Variants in FSTL3 observed in about 807,000 individuals in gnomAD.
The protein encoded by FSTL3 is follistatin-related protein 3.
Under a neutral mutation model 28.1 loss-of-function variants are expected in FSTL3, and 21 were observed. That is an observed-to-expected ratio of 0.75 (90% confidence interval 0.53 to 1.08). FSTL3 has a LOEUF of 1.08. Ranked by LOEUF, FSTL3 falls within the 50% of genes least tolerant of loss-of-function variation. The pLI is 0.00. For missense variants in FSTL3, 400 were observed against 380.9 expected (o/e 1.05, Z -0.42); for synonymous variants, 199 against 164.2 (o/e 1.21, Z -1.62).
At chr19:679,292 G>A (rs2031275654) in intron 2 of FSTL3, among the ~76,000 whole-genome samples, 1 of 152,166 alleles carries the variant, frequency 6.6e-6, no homozygotes, top group Non-Finnish European at 1.5e-5. Context: ...GCTGTGCCGG[G>A]GCCGCCCAGG....
intron 1 of FSTL3, 53 bp downstream of exon 1, chr19:676,579 C>A (rs2031213489): frequency 1.2e-5 from 7 of 583,690 alleles, no homozygotes; most frequent in African/African-American, 4.0e-5. Flanking sequence ...CGTGGGGCTG[C>A]GCGGAATGCG....
rs935192510 is a variant in FSTL3 at position 681,969 on chromosome 19, C to G, written c.*261C>G. On this transcript the variant is annotated 3_prime_UTR_variant, in exon 5 of 5. Transcript: ENST00000166139. ...GGCCCTTCTCTAGGATGCCCCAGCC[C>G]CTACCCTAAGACCTATTGCCGGGGA... The G allele has an allele frequency of 1.7e-6, 1 of 573,114 alleles. No homozygotes were observed. 35.5% of individuals were successfully genotyped at this position (573,114 alleles called of 1,614,324 possible).
chr19:679,595 G>C (rs1266349474), intron 2 of FSTL3, among the ~76,000 whole-genome samples: 4 of 152,250 alleles, frequency 2.6e-5, no homozygotes, highest in Admixed American at 2.6e-4. Context: ...TGATGACTTG[G>C]GAAGATGCGA....
chr19:680,285 G>C lies in FSTL3; in HGVS notation c.301G>C (p.Gly101Arg). The C allele has an allele frequency of 7.6e-7, 1 of 1,322,532 alleles. No homozygotes were observed. Among genetic ancestry groups the C allele is most frequent in the Non-Finnish European group, 9.6e-7 (1 of 1,038,208 alleles). 81.9% of individuals were successfully genotyped at this position (1,322,532 alleles called of 1,614,324 possible). A position where few individuals can be genotyped will look rare whatever the true frequency, so the allele number is the denominator to read the frequency against. The change falls in exon 3 of 5, where the codon GGC becomes CGC. Residue 101 changes from glycine (G) to arginine (R), a missense_variant. Transcript: ENST00000166139. ...TCCTCTGTCCGCAGATTCGTGCGAC[G>C]GCGTGGAGTGCGGCCCGGGCAAGGC... The part of the protein sequence containing the change: ...HCLPCKDSCD[G>R]VECGPGKACR...
In FSTL3 at chr19:677,747, G is replaced by A. The variant is rs1264394518; in HGVS notation, c.104-45G>A. On this transcript the variant is annotated intron_variant, in intron 1 of 4. Coordinates refer to ENST00000166139, the MANE Select transcript of FSTL3 (RefSeq NM_005860.3). ...CATCTGTGGGCGGGCCAGAAGCTGGGTGTCAGGAGTGGCCCAGGAGAGCAC... is the reference window on the plus strand; with the variant it reads ...CATCTGTGGGCGGGCCAGAAGCTGGATGTCAGGAGTGGCCCAGGAGAGCAC... 4 of 1,544,032 alleles carry A rather than the reference G, an allele frequency of 2.6e-6. No homozygotes were observed. The South Asian group carries it at 4.7e-5, about 18-fold the overall frequency.
Position 678,499 on chromosome 19 carries a change from G to GTTTT in FSTL3, c.289+545_289+548dup, listed in dbSNP as rs746126061. 5.7e-4 allele frequency among the ~76,000 whole-genome samples: 52 copies of GTTTT among 91,200 alleles called. 7 individuals are homozygous for GTTTT. Among genetic ancestry groups the GTTTT allele is most frequent in the Non-Finnish European group, 1.0e-3 (43 of 42,624 alleles). The allele number at this position is 91,200 out of a possible 152,430, so 59.8% of individuals were successfully genotyped here. A position where few individuals can be genotyped will look rare whatever the true frequency, so the allele number is the denominator to read the frequency against. ...AGATTCTCCGCACTGGAGGATGATG[G>GTTTT]TTTTTTTTTTTTTTTTTTTTTTTTT... On this transcript the variant is annotated intron_variant, in intron 2 of 4. Transcript: ENST00000166139.
At chr19:676,764 C>G (rs1224550654) in intron 1 of FSTL3, among the ~76,000 whole-genome samples, 1 of 152,206 alleles carries the variant, frequency 6.6e-6, no homozygotes, top group Non-Finnish European at 1.5e-5. Context: ...TCTCCCCTCC[C>G]TGAACCTGTG....
intron 3 of FSTL3, 114 bp from the exon 4 acceptor site, chr19:681,219 C>G: frequency 1.4e-6 from 1 of 693,606 alleles, no homozygotes; most frequent in Non-Finnish European, 2.4e-6. Context: ...GTGCTTGTGT[C>G]TCCTACCAGA....
rs565438325 is a variant in FSTL3 at position 683,180 on chromosome 19, C to G, written c.*1472C>G. 4.3e-6 allele frequency: 1 copy of G among 233,060 alleles called. No individual in the cohort carries two copies. Among genetic ancestry groups the G allele is most frequent in the East Asian group, 6.1e-5 (1 of 16,494 alleles). 14.4% of individuals were successfully genotyped at this position (233,060 alleles called of 1,614,324 possible). ...CCTCAGACCAGCTATGGGGAGAGGA[C>G]AACACGGAGGATATCCAGCTTCCCC... On this transcript the variant is annotated 3_prime_UTR_variant, in exon 5 of 5. Transcript: ENST00000166139.
Position 683,307 on chromosome 19 carries a change from T to C in FSTL3, c.*1599T>C, listed in dbSNP as rs2031379621. 4.4e-6 allele frequency: 1 copy of C among 228,392 alleles called. No homozygotes were observed. The highest frequency in any genetic ancestry group is 5.7e-5 in the Admixed American group (1 of 17,588). The allele number at this position is 228,392 out of a possible 1,614,324, so 14.1% of individuals were successfully genotyped here. On this transcript the variant is annotated 3_prime_UTR_variant, in exon 5 of 5. Transcript: ENST00000166139. Reference sequence around the variant, plus strand: ...TGGTGCCCAGAAAAGTGCCCCTAGGTTGGTGGGTCTACAGGAGCCTCAGCC... The same window carrying C: ...TGGTGCCCAGAAAAGTGCCCCTAGGCTGGTGGGTCTACAGGAGCCTCAGCC...
rs575544259 is a variant in FSTL3 at position 680,508 on chromosome 19, T to A, written c.505+19T>A. On this transcript the variant is annotated intron_variant, in intron 3 of 4. Transcript: ENST00000166139. Reference sequence around the variant, plus strand: ...TGCCGCAGTACGTGGGGGCGTGGTCTGTGGAGGGGCGGGGCGGGACCTACC... The same window carrying A: ...TGCCGCAGTACGTGGGGGCGTGGTCAGTGGAGGGGCGGGGCGGGACCTACC... The A allele has an allele frequency of 8.4e-7, 1 of 1,195,950 alleles. No individual in the cohort carries two copies. Among genetic ancestry groups the A allele is most frequent in the African/African-American group, 1.6e-5 (1 of 62,428 alleles). 74.1% of individuals were successfully genotyped at this position (1,195,950 alleles called of 1,614,324 possible).
At chr19:677,008 C>A (rs1162050888) in intron 1 of FSTL3, among the ~76,000 whole-genome samples, 1 of 152,070 alleles carries the variant, frequency 6.6e-6, no homozygotes, top group Non-Finnish European at 1.5e-5. Flanking sequence ...TGGGACTTGC[C>A]GGGAGGTGCC....
At chr19:679,234 C>G (rs1010522584) in intron 2 of FSTL3, among the ~76,000 whole-genome samples, 16 of 152,290 alleles carry the variant, frequency 1.1e-4, no homozygotes, top group African/African-American at 3.9e-4. Context: ...CGTTCTCGCT[C>G]GCATAAAAGC....
At chr19:678,502 T>TG (rs2031258423) in intron 2 of FSTL3, among the ~76,000 whole-genome samples, 1 of 102,264 alleles carries the variant, frequency 9.8e-6, no homozygotes, top group Non-Finnish European at 2.0e-5. Flanking sequence ...GATGATGGTT[T>TG]TTTTTTTTTT....
At position 676,393 on chromosome 19, in the gene FSTL3, A is replaced by C; in HGVS notation, c.-31A>C. 9.4e-6 allele frequency: 8 copies of C among 848,572 alleles called. No individual in the cohort carries two copies. Among genetic ancestry groups the C allele is most frequent in the Non-Finnish European group, 1.2e-5 (8 of 657,690 alleles). The allele number at this position is 848,572 out of a possible 1,614,324, so 52.6% of individuals were successfully genotyped here. A position where few individuals can be genotyped will look rare whatever the true frequency, so the allele number is the denominator to read the frequency against. ...AGGGAGCGCCGGCCGCGCGCTGGGA[A>C]GTCGGTGCCGCTGCCGTCTCTGCGT... On this transcript the variant is annotated 5_prime_UTR_variant, in exon 1 of 5. Transcript: ENST00000166139.
intron 3 of FSTL3, 48 bp from the exon 4 acceptor site, chr19:681,285 G>A (rs1168167507): frequency 7.3e-7 from 1 of 1,367,964 alleles, no homozygotes; most frequent in East Asian, 2.5e-5. Flanking sequence ...GCCCTGCGGG[G>A]TTCTCAGCGA....
Position 683,306 on chromosome 19 carries a change from G to C in FSTL3, c.*1598G>C. The C allele has an allele frequency of 4.4e-6, 1 of 229,056 alleles. No homozygotes were observed. Among genetic ancestry groups the C allele is most frequent in the East Asian group, 6.2e-5 (1 of 16,076 alleles). 14.2% of individuals were successfully genotyped at this position (229,056 alleles called of 1,614,324 possible). On this transcript the variant is annotated 3_prime_UTR_variant, in exon 5 of 5. Transcript: ENST00000166139. ...GTGGTGCCCAGAAAAGTGCCCCTAG[G>C]TTGGTGGGTCTACAGGAGCCTCAGC...
rs1345345195 is a variant in FSTL3 at position 683,064 on chromosome 19, T to TC, written c.*1357dup. On this transcript the variant is annotated 3_prime_UTR_variant, in exon 5 of 5. Transcript: ENST00000166139. ...GCTGGCGACACCAGCCAGGTGCTGG[T>TC]CTTGGGCCAGTTCTCCCACGACGGC... 4.3e-6 allele frequency: 1 copy of TC among 233,018 alleles called. No homozygotes were observed. Among genetic ancestry groups the TC allele is most frequent in the Admixed American group, 5.6e-5 (1 of 17,756 alleles). 14.4% of individuals were successfully genotyped at this position (233,018 alleles called of 1,614,324 possible). A position where few individuals can be genotyped will look rare whatever the true frequency, so the allele number is the denominator to read the frequency against.
In FSTL3 at chr19:681,388, G is replaced by A. The variant is rs758097671; in HGVS notation, c.561G>A (p.Thr187=). The A allele has an allele frequency of 6.0e-5, 96 of 1,593,050 alleles. No homozygotes were observed. Among genetic ancestry groups the A allele is most frequent in the Non-Finnish European group, 7.5e-5 (88 of 1,177,120 alleles). ...CACAGTCGTGCGTCGTGGACCAGAC[G>A]GGCAGCGCCCACTGCGTGGTGTGTC... ...PRPQSCVVDQ[T]GSAHCVVCRA... is the part of the protein sequence containing the mutation. Residue 187 remains threonine, a synonymous_variant, in exon 4 of 5, where the codon ACG becomes ACA. Transcript: ENST00000166139.
Sources: allele counts gnomAD v4.1 joint callset (sites outside exome capture counted in the v4.1 genomes callset), GRCh38; gene constraint gnomAD v4.1.1; transcripts MANE v1.5; gene names NCBI Gene and HGNC (gene_info 2026-07-23, HGNC 2026-07-21).